Variants in PWWP4 observed in about 807,000 individuals in gnomAD.
PWWP4 encodes the protein PWWP domain containing 4.
At chrX:153,266,265 C>CG in the PWWP4 span, among the ~76,000 whole-genome samples, 22 of 78,120 alleles carry the variant, frequency 2.8e-4, 1 homozygote, top group African/African-American at 1.1e-3. Flanking sequence ...GTGTCGGGGG[C>CG]GGGGGGGAGG....
chrX:153,272,738 C>T (rs1317487308), exon 1 of PWWP4, among the ~76,000 whole-genome samples: 8 of 113,217 alleles, frequency 7.1e-5, no homozygotes, highest in Non-Finnish European at 1.1e-4. Context: ...GCAGCACGCA[C>T]GGCCGTTGTC....
chrX:153,276,008 C>G (rs1414970475), exon 1 of PWWP4, among the ~76,000 whole-genome samples: 1 of 91,535 alleles, frequency 1.1e-5, no homozygotes, highest in East Asian at 5.1e-4. Flanking sequence ...GCTATTGCTT[C>G]TACTCCAGGC....
upstream of PWWP4, among the ~76,000 whole-genome samples, chrX:153,269,193 GTGGAGA>G (rs1243952358): frequency 1.9e-5 from 1 of 51,357 alleles, no homozygotes; most frequent in African/African-American, 8.4e-5. Context: ...GTGTGTGTGT[GTGGAGA>G]GAGAGAGAGA....
exon 1 of PWWP4, among the ~76,000 whole-genome samples, chrX:153,272,844 C>T (rs2051812824): frequency 8.7e-6 from 1 of 114,296 alleles, no homozygotes; most frequent in African/African-American, 3.2e-5. Flanking sequence ...CATCTGTGTC[C>T]AAGGCCATTG....
chrX:153,267,386 T>TAAAATCACACA (rs2051795929), upstream of PWWP4, among the ~76,000 whole-genome samples: 1 of 56,226 alleles, frequency 1.8e-5, no homozygotes, highest in African/African-American at 8.9e-5. Context: ...GGGGAAGGTC[T>TAAAATCACACA]AAAATCACAC....
the PWWP4 span, among the ~76,000 whole-genome samples, chrX:153,266,405 GTGTT>G: frequency 2.0e-5 from 2 of 99,849 alleles, no homozygotes; most frequent in Non-Finnish European, 4.0e-5. Context: ...GGATGTGTGT[GTGTT>G]TGGGGGTGTG....
At chrX:153,276,418 G>GAAAAAA (rs2051828323) in exon 1 of PWWP4, among the ~76,000 whole-genome samples, 1 of 79,213 alleles carries the variant, frequency 1.3e-5, no homozygotes. Context: ...GCATGTTTGT[G>GAAAAAA]AGAAAAAGGG....
exon 1 of PWWP4, among the ~76,000 whole-genome samples, chrX:153,271,633 G>A (rs1269504949): frequency 2.9e-5 from 3 of 102,781 alleles, no homozygotes; most frequent in Admixed American, 1.1e-4. Flanking sequence ...CTCGGAGTAC[G>A]TCCTATGCTC....
At chrX:153,266,671 A>C (rs1396771813), upstream of PWWP4, among the ~76,000 whole-genome samples, 4 of 99,231 alleles carry the variant, frequency 4.0e-5, no homozygotes, top group Non-Finnish European at 4.0e-5. Flanking sequence ...TTTAAAGCAG[A>C]GATCCACAAG....
At chrX:153,271,122 T>C (rs2051804869), upstream of PWWP4, among the ~76,000 whole-genome samples, 1 of 114,318 alleles carries the variant, frequency 8.7e-6, no homozygotes, top group African/African-American at 3.2e-5. Flanking sequence ...AGGCACAGAA[T>C]ACTCAGTAAG....
At chrX:153,270,232 G>GAA (rs1189427779), upstream of PWWP4, among the ~76,000 whole-genome samples, 2 of 104,992 alleles carry the variant, frequency 1.9e-5, no homozygotes, top group Non-Finnish European at 3.9e-5. Context: ...GAGAGAGAGA[G>GAA]GAGAGAGAGA....
At chrX:153,270,232 G>GGA (rs1556952289), upstream of PWWP4, among the ~76,000 whole-genome samples, 29 of 104,939 alleles carry the variant, frequency 2.8e-4, no homozygotes, top group South Asian at 7.7e-4. Context: ...GAGAGAGAGA[G>GGA]GAGAGAGAGA....
chrX:153,269,995 G>A (rs1321505194), upstream of PWWP4, among the ~76,000 whole-genome samples: 44 of 109,771 alleles, frequency 4.0e-4, no homozygotes, highest in Non-Finnish European at 3.8e-4. Context: ...CCTTGGAAGC[G>A]GGCACATTAT....
At chrX:153,271,556 G>T (rs2051806740), upstream of PWWP4, among the ~76,000 whole-genome samples, 1 of 108,180 alleles carries the variant, frequency 9.2e-6, no homozygotes, top group African/African-American at 3.5e-5. Flanking sequence ...GAGACCTACG[G>T]TAGCAGAGGG....
At chrX:153,276,480 G>A (rs1446270829) in exon 1 of PWWP4, among the ~76,000 whole-genome samples, 1 of 62,206 alleles carries the variant, frequency 1.6e-5, no homozygotes, top group Non-Finnish European at 3.3e-5. Context: ...CCACAGTAAC[G>A]GAGGAGGGTG....
rs2051818730 is a variant in PWWP4 at position 153,273,647 on chromosome X, G to GC, written c.2030_2031insC (p.Ala678GlyfsTer15). ...GCCACCCTGCGTGGTGAAAAGTCAC[G>GC]GGCGCACACCAGCCTTGCCCCCGCC... On this transcript the variant is annotated frameshift_variant, in exon 1 of 1. Transcript: ENST00000458091. LOFTEE classifies it high-confidence loss of function. Among the ~76,000 whole-genome samples, 1 of 22,207 alleles carries GC rather than the reference G, an allele frequency of 4.5e-5. No homozygotes were observed. Among genetic ancestry groups the GC allele is most frequent in the Non-Finnish European group, 7.2e-5 (1 of 13,856 alleles). The allele number at this position is 22,207 out of a possible 115,157, so 19.3% of individuals were successfully genotyped here.
upstream of PWWP4, among the ~76,000 whole-genome samples, chrX:153,271,137 G>A (rs1250877790): frequency 1.7e-5 from 2 of 114,425 alleles, no homozygotes; most frequent in Admixed American, 9.2e-5. Flanking sequence ...AGTAAGAAAC[G>A]TGGGGTCCCT....
upstream of PWWP4, among the ~76,000 whole-genome samples, chrX:153,271,309 G>C (rs1322531302): frequency 0.03 from 3,289 of 108,391 alleles, no homozygotes; most frequent in Middle Eastern, 0.062. Flanking sequence ...CACTTGTCAC[G>C]TTTCCTTATT....
chrX:153,271,555 G>C (rs1276332680), upstream of PWWP4, among the ~76,000 whole-genome samples: 2 of 108,125 alleles, frequency 1.8e-5, no homozygotes, highest in South Asian at 7.0e-4. Context: ...AGAGACCTAC[G>C]GTAGCAGAGG....
Sources: gnomAD v4.1 joint callset for allele counts (sites outside exome capture counted in the v4.1 genomes callset) on GRCh38, gnomAD v4.1.1 for gene constraint, MANE v1.5 for transcripts, NCBI Gene and HGNC (gene_info 2026-07-23, HGNC 2026-07-21) for gene names.